The following NRG1 variants were observed in gnomAD, a reference collection of about 807,000 sequenced individuals.
NRG1 encodes neuregulin 1, also known as pro-neuregulin-1, membrane-bound isoform.
Under a neutral mutation model 63.8 loss-of-function variants are expected in NRG1, and 18 were observed. That is an observed-to-expected ratio of 0.28 (90% CI 0.19 to 0.42). The LOEUF is 0.42. Among genes scored for constraint, NRG1 ranks in the 10% least tolerant of loss-of-function variants. NRG1 has a pLI of 1.00. For missense variants in NRG1, 762 were observed against 814.7 expected (o/e 0.94, Z 0.79); for synonymous variants, 302 against 301.3 (o/e 1.00, Z -0.02).
intron 1 of NRG1, among the ~76,000 whole-genome samples, chr8:32,334,085 C>T (rs1802962238): frequency 6.6e-6 from 1 of 152,182 alleles, no homozygotes; most frequent in South Asian, 2.1e-4. Context: ...TTATGCTGTA[C>T]TTACATGACA....
At chr8:32,250,248 C>G (rs1307528243) in intron 1 of NRG1, among the ~76,000 whole-genome samples, 2 of 152,092 alleles carry the variant, frequency 1.3e-5, no homozygotes, top group African/African-American at 4.8e-5. Flanking sequence ...AGCCAAGTTC[C>G]ACTACATTTT....
At chr8:32,299,959 A>C (rs1855395025) in intron 1 of NRG1, among the ~76,000 whole-genome samples, 1 of 152,202 alleles carries the variant, frequency 6.6e-6, no homozygotes, top group South Asian at 2.1e-4. Context: ...CAGCAGTTAG[A>C]TGAAGAGAGA....
intron 1 of NRG1, among the ~76,000 whole-genome samples, chr8:32,396,400 A>T (rs12675577): frequency 2.6e-5 from 4 of 152,128 alleles, no homozygotes; most frequent in Non-Finnish European, 4.4e-5. Context: ...TGTTTTTCAC[A>T]TAGAGATCTT....
At chr8:32,739,687 T>C (rs1322285045) in intron 6 of NRG1, among the ~76,000 whole-genome samples, 1 of 152,196 alleles carries the variant, frequency 6.6e-6, no homozygotes, top group Non-Finnish European at 1.5e-5. Context: ...AGATGCCTAA[T>C]GACAATTTCC....
chr8:31,845,385 T>G lies in NRG1; in HGVS notation c.37+205954T>G, dbSNP rs183800209. On this transcript the variant is annotated intron_variant, in intron 1 of 10. Transcript: ENST00000519301. ...AGCATTAAAATGGGTCCTCTTTACA[T>G]ATTATGTTGTTTTCTAAGGGACAAA... Among the ~76,000 whole-genome samples, 4 of 152,322 alleles carry G rather than the reference T, an allele frequency of 2.6e-5. No individual in the cohort carries two copies. The East Asian group carries it at 7.7e-4, about 29-fold the overall frequency.
intron 1 of NRG1, among the ~76,000 whole-genome samples, chr8:31,814,880 C>T (rs1277382379): frequency 3.3e-5 from 5 of 151,784 alleles, no homozygotes; most frequent in African/African-American, 9.7e-5. Flanking sequence ...CAAATGGTGC[C>T]CCCCTGCAAG....
chr8:32,081,517 C>G (rs1334350306), intron 1 of NRG1, among the ~76,000 whole-genome samples: 2 of 152,058 alleles, frequency 1.3e-5, no homozygotes, highest in African/African-American at 4.8e-5. Flanking sequence ...CAGAACAAAG[C>G]AAAGGAACAT....
chr8:31,684,469 C>A (rs1174266566), intron 1 of NRG1, among the ~76,000 whole-genome samples: 1 of 152,164 alleles, frequency 6.6e-6, no homozygotes, highest in East Asian at 1.9e-4. Context: ...TTGGACCTCG[C>A]AGCTTCCAGA....
At chr8:31,853,454 T>C (rs1827479655) in intron 1 of NRG1, among the ~76,000 whole-genome samples, 3 of 150,308 alleles carry the variant, frequency 2.0e-5, no homozygotes, top group African/African-American at 7.4e-5. Flanking sequence ...TTTTTGTACA[T>C]TGATTTTGTA....
intron 1 of NRG1, among the ~76,000 whole-genome samples, chr8:31,923,086 C>G (rs574641652): frequency 6.6e-6 from 1 of 152,224 alleles, no homozygotes; most frequent in East Asian, 1.9e-4. Flanking sequence ...GATTCCAGAT[C>G]TCAGGTTTTA....
intron 1 of NRG1, among the ~76,000 whole-genome samples, chr8:31,712,905 G>T (rs1015759072): frequency 1.3e-4 from 20 of 151,522 alleles, no homozygotes; most frequent in Admixed American, 1.3e-3. Context: ...TGCTAATATG[G>T]CCCCTTCTTC....
chr8:32,178,646 G>A (rs1463913719), intron 1 of NRG1, among the ~76,000 whole-genome samples: 1 of 152,056 alleles, frequency 6.6e-6, no homozygotes, highest in East Asian at 1.9e-4. Context: ...TTTGGGTGGA[G>A]AATAGACTGT....
chr8:31,721,054 C>G (rs1812863812), intron 1 of NRG1, among the ~76,000 whole-genome samples: 1 of 152,182 alleles, frequency 6.6e-6, no homozygotes, highest in African/African-American at 2.4e-5. Context: ...AGACAGCAAT[C>G]TGTGAAGCAA....
At chr8:31,911,539 C>A (rs1249543776) in intron 1 of NRG1, among the ~76,000 whole-genome samples, 2 of 152,056 alleles carry the variant, frequency 1.3e-5, no homozygotes, top group Non-Finnish European at 2.9e-5. Context: ...AATGATGAGA[C>A]CACATGGGCA....
rs556510094 is a variant in NRG1 at position 32,530,399 on chromosome 8, G to A, written c.38-65429G>A. ...TGGGATTACAGGCGTGAGCCACCGC[G>A]CCCAGCCAGCTCCATTATAATCTTA... On this transcript the variant is annotated intron_variant, in intron 1 of 10. Coordinates refer to the NRG1 transcript ENST00000519301. Among the ~76,000 whole-genome samples, 12 of 152,160 alleles carry A rather than the reference G, an allele frequency of 7.9e-5. No homozygotes were observed. The South Asian group carries it at 1.5e-3, about 18-fold the overall frequency.
chr8:31,733,148 GTT>G (rs10673288), intron 1 of NRG1, among the ~76,000 whole-genome samples: 2 of 144,044 alleles, frequency 1.4e-5, no homozygotes, highest in African/African-American at 2.6e-5. Flanking sequence ...ACTTTATTCT[GTT>G]TTTTTTTTTT....
intron 1 of NRG1, among the ~76,000 whole-genome samples, chr8:31,740,468 A>C (rs751076176): frequency 1.3e-5 from 2 of 152,052 alleles, no homozygotes; most frequent in Non-Finnish European, 2.9e-5. Context: ...AATAGAGTTC[A>C]GTGATTTTTT....
chr8:31,703,891 A>C (rs571004769), intron 1 of NRG1, among the ~76,000 whole-genome samples: 1 of 152,310 alleles, frequency 6.6e-6, no homozygotes, highest in East Asian at 1.9e-4. Context: ...TGATTTGTAC[A>C]ATGTTGCCTA....
At chr8:32,648,155 G>T (rs962425852) in intron 5 of NRG1, 2 of 1,613,920 alleles carry the variant, frequency 1.2e-6, no homozygotes, top group East Asian at 2.2e-5. Flanking sequence ...CTGTCTCTAG[G>T]GCTCAATCTG....
Sources: gnomAD v4.1 joint callset for allele counts (sites outside exome capture counted in the v4.1 genomes callset) on GRCh38, gnomAD v4.1.1 for gene constraint, MANE v1.5 for transcripts, NCBI Gene and HGNC (gene_info 2026-07-23, HGNC 2026-07-21) for gene names.